The following CATSPERD variants were observed in gnomAD, a reference collection of about 807,000 sequenced individuals.
CATSPERD encodes the protein catsper channel auxiliary subunit delta.
CATSPERD carries 86 observed loss-of-function variants against 98.1 expected under a neutral mutation model. The observed-to-expected ratio is 0.88, with a 90% confidence interval of 0.74 to 1.05. The LOEUF (loss-of-function observed/expected upper bound fraction) is 1.05, where lower values mean the gene tolerates loss of function less well. Among genes scored for constraint, CATSPERD ranks in the 50% least tolerant of loss-of-function variants. CATSPERD has a pLI of 0.00. For missense variants in CATSPERD, 995 were observed against 1,005.7 expected (o/e 0.99, Z 0.14); for synonymous variants, 394 against 390.2 (o/e 1.01, Z -0.12).
chr19:5,727,403 C>A, intron 3 of CATSPERD, 59 bp downstream of exon 3: 2 of 1,274,344 alleles, frequency 1.6e-6, no homozygotes, highest in Admixed American at 1.7e-5. Context: ...TAGATTTGCC[C>A]CATTCATTCG....
chr19:5,743,373 G>A (rs888719438), intron 7 of CATSPERD, among the ~76,000 whole-genome samples: 11 of 151,796 alleles, frequency 7.2e-5, no homozygotes, highest in East Asian at 1.9e-4. Context: ...CGAGGTGGGC[G>A]GATCACCTGA....
rs746191493 is a variant in CATSPERD, at chr19:5,768,204, C to A, written c.1596C>A (p.Pro532=). The A allele has an allele frequency of 6.2e-7, 1 of 1,613,868 alleles. No individual in the cohort carries two copies. Among genetic ancestry groups the A allele is most frequent in the Non-Finnish European group, 8.5e-7 (1 of 1,179,830 alleles). ...CCTGTTCCATGGGCATCCTGGACCC[C>A]TTGACCCTGCAAGACAATTACAGCT... ...VSACSMGILD[P]LTLQDNYSFI... is the part of the protein sequence containing the mutation. The change falls in exon 18 of 22, where the codon CCC becomes CCA. Residue 532 remains proline, a synonymous_variant. Transcript: ENST00000381624.
chr19:5,762,058 A>ATATATGTATTATTTTT, intron 15 of CATSPERD, among the ~76,000 whole-genome samples: 1 of 10,442 alleles, frequency 9.6e-5, no homozygotes, highest in Non-Finnish European at 1.8e-4. Context: ...ATATATATAT[A>ATATATGTATTATTTTT]TTTTTTTTTT....
At chr19:5,778,223 A>G (rs2056767386) in intron 21 of CATSPERD, among the ~76,000 whole-genome samples, 153 bp from the exon 22 acceptor site, 1 of 151,444 alleles carries the variant, frequency 6.6e-6, no homozygotes, top group African/African-American at 2.4e-5. Flanking sequence ...AAAAAAAAAA[A>G]AGGCATAGTG....
intron 20 of CATSPERD, among the ~76,000 whole-genome samples, chr19:5,774,274 T>C (rs937308143): frequency 7.2e-5 from 11 of 151,792 alleles, no homozygotes; most frequent in Admixed American, 4.6e-4. Flanking sequence ...TCGGCTCTGT[T>C]GGTATTTCTA....
At chr19:5,774,029 G>T (rs139098565) in intron 20 of CATSPERD, among the ~76,000 whole-genome samples, 1 of 146,122 alleles carries the variant, frequency 6.8e-6, no homozygotes, top group Admixed American at 7.0e-5. Context: ...GTGCAGTGGC[G>T]CAATCTCAGC....
intron 4 of CATSPERD, among the ~76,000 whole-genome samples, chr19:5,731,802 C>G (rs1210347092): frequency 6.6e-6 from 1 of 151,574 alleles, no homozygotes; most frequent in Non-Finnish European, 1.5e-5. Flanking sequence ...GTCTCGATCT[C>G]CTGACCTCAT....
Position 5,731,043 on chromosome 19 carries a change from G to A in CATSPERD, c.276+1099G>A, listed in dbSNP as rs1444793029. 2.1e-5 allele frequency among the ~76,000 whole-genome samples: 3 copies of A among 146,056 alleles called. No individual in the cohort carries two copies. In the East Asian group the frequency reaches 6.1e-4, roughly 30 times the overall value. On this transcript the variant is annotated intron_variant, in intron 4 of 21. Coordinates refer to ENST00000381624, the MANE Select transcript of CATSPERD (RefSeq NM_152784.4). Reference sequence around the variant, plus strand: ...GGAGGCGGAGCTTGTAGTGAGCCGTGATCGCACCACTGCACTCCAGCCTGG... The same window carrying A: ...GGAGGCGGAGCTTGTAGTGAGCCGTAATCGCACCACTGCACTCCAGCCTGG...
intron 18 of CATSPERD, among the ~76,000 whole-genome samples, chr19:5,769,966 G>C (rs1342262660): frequency 6.6e-6 from 1 of 151,780 alleles, no homozygotes; most frequent in Non-Finnish European, 1.5e-5. Flanking sequence ...GCACATGCCT[G>C]TAGTCCCAGC....
chr19:5,765,276 C>G (rs184058225), intron 16 of CATSPERD, among the ~76,000 whole-genome samples: 12 of 152,274 alleles, frequency 7.9e-5, no homozygotes, highest in Non-Finnish European at 1.6e-4. Context: ...CTTTTAGACT[C>G]CATTGTATAA....
At chr19:5,721,358 G>A (rs2055470364) in intron 1 of CATSPERD, among the ~76,000 whole-genome samples, 1 of 145,298 alleles carries the variant, frequency 6.9e-6, no homozygotes, top group Admixed American at 6.8e-5. Context: ...GTTTCCCAGG[G>A]TGGAGTGCAG....
Position 5,753,249 on chromosome 19 carries a change from G to C in CATSPERD, c.1165-883G>C, listed in dbSNP as rs559519686. Among the ~76,000 whole-genome samples the C allele has an allele frequency of 4.6e-5, 7 of 152,034 alleles. No homozygotes were observed. The South Asian group carries it at 8.3e-4, about 18-fold the overall frequency. On this transcript the variant is annotated intron_variant, in intron 12 of 21. Transcript: ENST00000381624. ...TGATGATCTTCAGATGCATACTAGG[G>C]CAGCTCTACTCTAAAGAAACAGAAA...
At position 5,762,927 on chromosome 19, in the gene CATSPERD, A is replaced by G. The variant is rs1187719161; in HGVS notation, c.1428-288A>G. ...TGGATGGATAGAGAGATGAATAGAT[A>G]GATGGATGGATGAATAAGTGGATAG... On this transcript the variant is annotated intron_variant, in intron 15 of 21. Coordinates refer to ENST00000381624, the MANE Select transcript of CATSPERD (RefSeq NM_152784.4). Among the ~76,000 whole-genome samples, 11 of 143,644 alleles carry G rather than the reference A, an allele frequency of 7.7e-5. No homozygotes were observed. In the South Asian group the frequency reaches 1.9e-3, roughly 25 times the overall value. 94.2% of individuals were successfully genotyped at this position (143,644 alleles called of 152,430 possible).
chr19:5,727,226 A>G (rs762016209), intron 2 of CATSPERD, 42 bp from the exon 3 acceptor site: 1 of 1,438,572 alleles, frequency 7.0e-7, no homozygotes, highest in East Asian at 2.3e-5. Context: ...TCAGCTGTTT[A>G]TGGTTATTGA....
chr19:5,734,661 T>A (rs1599522462), intron 5 of CATSPERD, among the ~76,000 whole-genome samples: 2 of 147,938 alleles, frequency 1.4e-5, no homozygotes, highest in Admixed American at 6.8e-5. Context: ...ATTAGCTGGG[T>A]GTGGTGGTGT....
chr19:5,774,956 G>A (rs190324123), intron 20 of CATSPERD, among the ~76,000 whole-genome samples: 9 of 152,238 alleles, frequency 5.9e-5, no homozygotes, highest in Admixed American at 1.3e-4. Context: ...GGTAGACATC[G>A]CGGTGATCCC....
intron 15 of CATSPERD, among the ~76,000 whole-genome samples, chr19:5,759,850 C>T (rs989197578): frequency 6.6e-6 from 1 of 151,538 alleles, no homozygotes; most frequent in African/African-American, 2.4e-5. Context: ...TCAAGGCGGG[C>T]AGATCACCTG....
intron 20 of CATSPERD, chr19:5,775,392 C>G (rs549121973): frequency 2.4e-6 from 1 of 416,680 alleles, no homozygotes; most frequent in Non-Finnish European, 4.9e-6. Flanking sequence ...AATCCCAGCA[C>G]TTTGGGAGGC....
In CATSPERD at chr19:5,757,877, A is replaced by G; in HGVS notation, c.1313A>G (p.Gln438Arg). Residue 438 changes from glutamine to arginine, a missense_variant, in exon 14 of 22, where the codon CAG (glutamine) becomes CGG (arginine). This residue lies in a region of CATSPERD where 762 missense variants were observed against 773.7 expected (regional missense o/e 0.98). Coordinates refer to ENST00000381624, the MANE Select transcript of CATSPERD (RefSeq NM_152784.4). Reference sequence around the variant, plus strand: ...AGCAACCCCCACTCCCTGGGGTTCCAGGCCACCTTCTACGAGAACGGTTAC... The same window carrying G: ...AGCAACCCCCACTCCCTGGGGTTCCGGGCCACCTTCTACGAGAACGGTTAC... Reference protein sequence around the residue: ...MVSNPHSLGFQATFYENGYTS... With the variant: ...MVSNPHSLGFRATFYENGYTS... 6.2e-7 allele frequency: 1 copy of G among 1,613,230 alleles called. No individual in the cohort carries two copies. The highest frequency in any genetic ancestry group is 2.2e-5 in the East Asian group (1 of 44,788).
Sources: allele counts gnomAD v4.1 joint callset (sites outside exome capture counted in the v4.1 genomes callset), GRCh38; gene constraint gnomAD v4.1.1; regional missense constraint gnomAD v4.1.1; transcripts MANE v1.5; gene names NCBI Gene and HGNC (gene_info 2026-07-23, HGNC 2026-07-21).